Variants in KCNJ6 observed in about 807,000 individuals in gnomAD.
The protein encoded by KCNJ6 is potassium inwardly rectifying channel subfamily J member 6, also known as G protein-activated inward rectifier potassium channel 2.
In KCNJ6, 9 loss-of-function variants were observed where a neutral mutation model predicts 34.2. That is an observed-to-expected ratio of 0.26 (90% CI 0.16 to 0.46). KCNJ6 has a LOEUF of 0.46. KCNJ6 is among the 20% of genes least tolerant of loss of function. The pLI is 1.00. For synonymous variants in KCNJ6, 196 were observed against 207.1 expected (o/e 0.95, Z 0.46); for missense variants, 236 against 531.3 (o/e 0.44, Z 5.46).
At chr21:37,844,251 G>A (rs552667980) in intron 1 of KCNJ6, among the ~76,000 whole-genome samples, 14 of 152,092 alleles carry the variant, frequency 9.2e-5, no homozygotes, top group African/African-American at 3.1e-4. Context: ...GTAGAGATGG[G>A]GTTTCACCAC....
chr21:37,891,392 G>A (rs1046840843), intron 1 of KCNJ6, among the ~76,000 whole-genome samples: 4 of 152,070 alleles, frequency 2.6e-5, no homozygotes, highest in African/African-American at 9.7e-5. Context: ...TGTACACTCT[G>A]CACTGTACAC....
rs1263778413 is a variant in KCNJ6, at chr21:37,615,550, C to A, written c.*9609G>T. The A allele has an allele frequency of 1.3e-5, 2 of 152,112 alleles. No individual in the cohort carries two copies. The highest frequency in any genetic ancestry group is 2.4e-5 in the African/African-American group (1 of 41,402). 9.4% of individuals were successfully genotyped at this position (152,112 alleles called of 1,614,324 possible). A position where few individuals can be genotyped will look rare whatever the true frequency, so the allele number is the denominator to read the frequency against. ...AGTTTCAGTGGTAAATTCCACTTTACCTTTTATGCCAATATAGGGGAGTCT... is the reference window on the plus strand; with the variant it reads ...AGTTTCAGTGGTAAATTCCACTTTAACTTTTATGCCAATATAGGGGAGTCT... On this transcript the variant is annotated 3_prime_UTR_variant, in exon 4 of 4. Transcript: ENST00000609713.
At chr21:37,639,934 C>A (rs1414828607) in intron 3 of KCNJ6, among the ~76,000 whole-genome samples, 2 of 152,196 alleles carry the variant, frequency 1.3e-5, no homozygotes, top group African/African-American at 4.8e-5. Flanking sequence ...TTTCCTGGGG[C>A]TTCCCCAGAA....
intron 1 of KCNJ6, among the ~76,000 whole-genome samples, chr21:37,843,677 G>A (rs1435693812): frequency 3.3e-5 from 5 of 152,234 alleles, no homozygotes; most frequent in African/African-American, 4.8e-5. Context: ...AAAATTGGAA[G>A]TGATTCTTTC....
chr21:37,703,311 A>G (rs2054701273), intron 3 of KCNJ6, among the ~76,000 whole-genome samples: 1 of 151,724 alleles, frequency 6.6e-6, no homozygotes, highest in Admixed American at 6.6e-5. Context: ...AACAGGGGGG[A>G]AGAAAGAGGG....
At chr21:37,711,091 C>T (rs540413700) in intron 3 of KCNJ6, among the ~76,000 whole-genome samples, 12 of 152,310 alleles carry the variant, frequency 7.9e-5, no homozygotes, top group African/African-American at 2.9e-4. Context: ...CCTTCAAGGC[C>T]ATGAAAGGGG....
chr21:37,645,824 T>C (rs1383099410), intron 3 of KCNJ6, among the ~76,000 whole-genome samples: 1 of 152,222 alleles, frequency 6.6e-6, no homozygotes, highest in African/African-American at 2.4e-5. Context: ...GATTCATTTT[T>C]ACTATTAGAG....
intron 1 of KCNJ6, among the ~76,000 whole-genome samples, chr21:37,866,403 C>T (rs2055622898): frequency 6.6e-6 from 1 of 152,128 alleles, no homozygotes; most frequent in South Asian, 2.1e-4. Context: ...TGGGAGAATA[C>T]CTTTGGGTTT....
At chr21:37,696,003 T>G (rs1028604538) in intron 3 of KCNJ6, among the ~76,000 whole-genome samples, 5 of 152,366 alleles carry the variant, frequency 3.3e-5, no homozygotes, top group Admixed American at 3.3e-4. Context: ...TAGCAGATTA[T>G]AACTCATTGA....
chr21:37,693,078 GA>G (rs2054647399), intron 3 of KCNJ6, among the ~76,000 whole-genome samples: 1 of 152,188 alleles, frequency 6.6e-6, no homozygotes. Flanking sequence ...TTAATGGGTA[GA>G]GGGAAACATC....
chr21:37,645,466 A>G (rs1163989655), intron 3 of KCNJ6, among the ~76,000 whole-genome samples: 1 of 152,208 alleles, frequency 6.6e-6, no homozygotes, highest in Non-Finnish European at 1.5e-5. Flanking sequence ...ATAGAGACAT[A>G]TTTATCGAAG....
In KCNJ6 at chr21:37,695,049, G is replaced by T. The variant is rs914161639; in HGVS notation, c.946+19162C>A. 6.6e-6 allele frequency among the ~76,000 whole-genome samples: 1 copy of T among 152,220 alleles called. No homozygotes were observed. The highest frequency in any genetic ancestry group is 2.1e-4 in the South Asian group (1 of 4,818). On this transcript the variant is annotated intron_variant, in intron 3 of 3. Coordinates refer to ENST00000609713, the MANE Select transcript of KCNJ6 (RefSeq NM_002240.5). This position sits in a 1 kb window ranked among gnomAD's most constrained non-coding sequence, Gnocchi z 4.2. ...ATGATATTTTGTTATGGCAGCCTGA[G>T]CTGACTAATATACACAGCATATAAC...
chr21:37,842,760 A>AC (rs2123580465), intron 1 of KCNJ6, among the ~76,000 whole-genome samples: 1 of 152,322 alleles, frequency 6.6e-6, no homozygotes, highest in South Asian at 2.1e-4. Flanking sequence ...GTGAGTGTGC[A>AC]CAGCGGCTGC....
At chr21:37,841,052 C>T (rs996647574) in intron 1 of KCNJ6, among the ~76,000 whole-genome samples, 1 of 152,066 alleles carries the variant, frequency 6.6e-6, no homozygotes, top group Non-Finnish European at 1.5e-5. Flanking sequence ...CTCTGTTTCC[C>T]CCCATTGAAG....
chr21:37,720,883 A>C (rs1156852636), intron 2 of KCNJ6, among the ~76,000 whole-genome samples: 1 of 150,404 alleles, frequency 6.6e-6, no homozygotes, highest in East Asian at 1.9e-4. Context: ...AATTTTTTGT[A>C]TTTTTAGTAG....
rs371388696 is a variant in KCNJ6, at chr21:37,685,680, C to CAAAAAAAA, written c.946+28530_946+28531insTTTTTTTT. ...TGGGCGACAGAGTGAGACTCTGTCT[C>CAAAAAAAA]CAAAAAAAAAAAAAAAAAAAAAAAA... On this transcript the variant is annotated intron_variant, in intron 3 of 3. Coordinates refer to ENST00000609713, the MANE Select transcript of KCNJ6 (RefSeq NM_002240.5). Among the ~76,000 whole-genome samples the CAAAAAAAA allele has an allele frequency of 8.6e-4, 15 of 17,464 alleles. 3 individuals carry two copies. The highest frequency in any genetic ancestry group is 1.3e-3 in the African/African-American group (15 of 11,144). The allele number at this position is 17,464 out of a possible 152,430, so 11.5% of individuals were successfully genotyped here.
chr21:37,706,500 C>T (rs752931764), intron 3 of KCNJ6, among the ~76,000 whole-genome samples: 6 of 152,186 alleles, frequency 3.9e-5, no homozygotes, highest in Non-Finnish European at 5.9e-5. Flanking sequence ...GACTTAAGAA[C>T]GGTGTGTCCT....
In KCNJ6 at chr21:37,658,764, G is replaced by A. The variant is rs557695829; in HGVS notation, c.947-33280C>T. ...GCGTTCCTCACTCCTCTTATTGCAG[G>A]TGAAGAAACAGAGGCAGTGGTCCTT... is the stretch of plus-strand genomic sequence containing the variant. On this transcript the variant is annotated intron_variant, in intron 3 of 3. Transcript: ENST00000609713. Among the ~76,000 whole-genome samples the A allele has an allele frequency of 2.0e-3, 307 of 152,292 alleles. 1 individual carries two copies. The highest frequency in any genetic ancestry group is 3.5e-3 in the Non-Finnish European group (238 of 68,022).
intron 2 of KCNJ6, among the ~76,000 whole-genome samples, chr21:37,749,911 G>A (rs778456588): frequency 1.3e-5 from 2 of 152,104 alleles, no homozygotes; most frequent in South Asian, 4.1e-4. Context: ...TTGCACCGTC[G>A]CCAAGAAAGC....
Sources: allele counts gnomAD v4.1 joint callset (sites outside exome capture counted in the v4.1 genomes callset), GRCh38; gene constraint gnomAD v4.1.1; non-coding constraint Gnocchi (gnomAD v3.1); transcripts MANE v1.5; gene names NCBI Gene and HGNC (gene_info 2026-07-23, HGNC 2026-07-21).